The following KIAA1217 variants were observed in gnomAD, a reference collection of about 807,000 sequenced individuals.
KIAA1217 encodes sickle tail protein homolog.
KIAA1217 carries 88 observed loss-of-function variants against 163.9 expected under a neutral mutation model. The observed-to-expected ratio is 0.54, with a 90% CI of 0.45 to 0.64. The LOEUF (loss-of-function observed/expected upper bound fraction) is 0.64, where lower values mean the gene tolerates loss of function less well. Among genes scored for constraint, KIAA1217 ranks in the 30% least tolerant of loss-of-function variants. KIAA1217 has a pLI of 0.00. For synonymous variants in KIAA1217, 903 were observed against 923.1 expected (o/e 0.98, Z 0.39); for missense variants, 2,372 against 2,475.0 (o/e 0.96, Z 0.88).
At chr10:24,047,729 C>T (rs939463726) in intron 2 of KIAA1217, among the ~76,000 whole-genome samples, 7 of 152,210 alleles carry the variant, frequency 4.6e-5, no homozygotes, top group Admixed American at 6.5e-5. Flanking sequence ...CTTTAGATAC[C>T]TGGAGCTCAA....
In KIAA1217 at chr10:24,105,917, C is replaced by A. The variant is rs137860077; in HGVS notation, c.-171+98543C>A. Among the ~76,000 whole-genome samples the A allele has an allele frequency of 5.3e-3, 808 of 152,220 alleles. 11 individuals are homozygous for A. Among genetic ancestry groups the A allele is most frequent in the African/African-American group, 0.018 (743 of 41,538 alleles). On this transcript the variant is annotated intron_variant, in intron 2 of 18. Coordinates refer to the KIAA1217 transcript ENST00000376462. ...TGGGCTGTGCATTGTGGAAAGAGGG[C>A]CTTGATCGAGGCAGGGAAGGCCTTC...
chr10:23,849,431 G>A (rs969556104), intron 1 of KIAA1217, among the ~76,000 whole-genome samples: 2 of 151,966 alleles, frequency 1.3e-5, no homozygotes, highest in Admixed American at 6.6e-5. Flanking sequence ...TGAAATAAGG[G>A]GACGTGAGGC....
intron 4 of KIAA1217, 53 bp downstream of exon 4, chr10:24,433,246 T>G (rs998231811): frequency 7.4e-7 from 1 of 1,357,972 alleles, no homozygotes; most frequent in East Asian, 2.3e-5. Flanking sequence ...GTTTTTTTTG[T>G]TTTTTGTTTT....
intron 8 of KIAA1217, 104 bp from the exon 9 acceptor site, chr10:24,501,266 TAATGAGAGA>T: frequency 1.2e-6 from 1 of 865,748 alleles, no homozygotes; most frequent in South Asian, 1.8e-5. Flanking sequence ...ATATTTTTTG[TAATGAGAGA>T]ATTAGGCCTT....
At chr10:23,748,469 G>C (rs763610721) in intron 1 of KIAA1217, among the ~76,000 whole-genome samples, 1 of 101,668 alleles carries the variant, frequency 9.8e-6, no homozygotes, top group Non-Finnish European at 2.2e-5. Flanking sequence ...AGCAAGGAAG[G>C]AAGGAAGGAA....
At chr10:23,887,417 A>T (rs544275062) in intron 1 of KIAA1217, among the ~76,000 whole-genome samples, 7 of 152,044 alleles carry the variant, frequency 4.6e-5, no homozygotes, top group African/African-American at 1.7e-4. Context: ...AGAAAAAGAA[A>T]CACAGCTATA....
intron 1 of KIAA1217, among the ~76,000 whole-genome samples, chr10:23,881,398 C>T (rs1204461888): frequency 2.0e-5 from 3 of 151,892 alleles, no homozygotes; most frequent in African/African-American, 7.2e-5. Context: ...TTATCAATGA[C>T]AGAATTAAGC....
At chr10:24,129,368 A>T (rs568685644) in intron 2 of KIAA1217, among the ~76,000 whole-genome samples, 2 of 152,272 alleles carry the variant, frequency 1.3e-5, no homozygotes, top group Non-Finnish European at 2.9e-5. Context: ...TAGGAGTTAT[A>T]CTTACTCCCT....
At chr10:23,895,659 T>G (rs1263325175) in intron 1 of KIAA1217, among the ~76,000 whole-genome samples, 1 of 152,126 alleles carries the variant, frequency 6.6e-6, no homozygotes, top group Non-Finnish European at 1.5e-5. Context: ...CCCAAAGGAC[T>G]GTAAATTATG....
chr10:24,293,319 C>T lies in KIAA1217; in HGVS notation c.354+73410C>T, dbSNP rs187554856. Among the ~76,000 whole-genome samples, 279 of 152,300 alleles carry T rather than the reference C, an allele frequency of 1.8e-3. 1 individual carries two copies. Among genetic ancestry groups the T allele is most frequent in the Non-Finnish European group, 3.4e-3 (229 of 68,024 alleles). ...CTCCTGACCTCAAGTGATCTGCCAG[C>T]GTCGGCCTCCCAAAGTGCTGGGATT... On this transcript the variant is annotated intron_variant, in intron 2 of 20. Coordinates refer to ENST00000376454, the MANE Select transcript of KIAA1217 (RefSeq NM_019590.5).
chr10:24,040,350 T>C (rs17501790), intron 2 of KIAA1217, among the ~76,000 whole-genome samples: 53,562 of 152,130 alleles, frequency 0.35, 11,546 homozygotes, highest in Non-Finnish European at 0.49. Flanking sequence ...TGACAGCCTA[T>C]AAAGTAGCCA....
chr10:24,208,377 GTGT>G (rs1158506730), upstream of KIAA1217, among the ~76,000 whole-genome samples: 15 of 27,842 alleles, frequency 5.4e-4, no homozygotes, highest in African/African-American at 4.3e-3. Context: ...AGGGCTGGGT[GTGT>G]GTGTGTGTGT....
At chr10:23,846,609 G>T (rs1839043670) in intron 1 of KIAA1217, among the ~76,000 whole-genome samples, 1 of 152,106 alleles carries the variant, frequency 6.6e-6, no homozygotes, top group East Asian at 1.9e-4. Flanking sequence ...TGCTGAAGTT[G>T]CTTATCAGTT....
At chr10:23,944,371 G>GT (rs1843920804) in intron 1 of KIAA1217, among the ~76,000 whole-genome samples, 1 of 116,514 alleles carries the variant, frequency 8.6e-6, no homozygotes, top group African/African-American at 5.6e-5. Context: ...GCTGCAGTGA[G>GT]CGAGATGGCA....
At chr10:23,976,280 A>C (rs894626377) in intron 1 of KIAA1217, among the ~76,000 whole-genome samples, 2 of 152,222 alleles carry the variant, frequency 1.3e-5, no homozygotes, top group African/African-American at 4.8e-5. Context: ...TCTGTTCATC[A>C]TTCCAGACTG....
At chr10:23,916,397 G>A (rs1589070072) in intron 1 of KIAA1217, among the ~76,000 whole-genome samples, 1 of 152,272 alleles carries the variant, frequency 6.6e-6, no homozygotes, top group Non-Finnish European at 1.5e-5. Flanking sequence ...GGCTCAGTTG[G>A]TTCCTTTTCT....
intron 1 of KIAA1217, among the ~76,000 whole-genome samples, chr10:23,761,504 C>T (rs1834258662): frequency 6.6e-6 from 1 of 152,100 alleles, no homozygotes; most frequent in African/African-American, 2.4e-5. Context: ...GCCTTAATTT[C>T]ATTATTACGG....
At chr10:23,749,560 A>C (rs1212236126) in intron 1 of KIAA1217, among the ~76,000 whole-genome samples, 1 of 152,156 alleles carries the variant, frequency 6.6e-6, no homozygotes. Flanking sequence ...GGCATGCACT[A>C]CCATGCCCAG....
At chr10:24,344,435 A>G (rs1295113549) in intron 2 of KIAA1217, among the ~76,000 whole-genome samples, 2 of 152,210 alleles carry the variant, frequency 1.3e-5, no homozygotes, top group African/African-American at 2.4e-5. Context: ...TGCTTTGGCA[A>G]CAGTTGAGAC....
Sources: gnomAD v4.1 joint callset for allele counts (sites outside exome capture counted in the v4.1 genomes callset) on GRCh38, gnomAD v4.1.1 for gene constraint, MANE v1.5 for transcripts, NCBI Gene and HGNC (gene_info 2026-07-23, HGNC 2026-07-21) for gene names.